Variants in CERT1 observed in about 807,000 individuals in gnomAD.
CERT1 encodes the protein ceramide transporter 1.
A neutral mutation model predicts 87.9 loss-of-function variants in CERT1; 31 were observed. That is an observed-to-expected ratio of 0.35 (90% CI 0.27 to 0.48). The LOEUF is 0.48. CERT1 is among the 20% of genes least tolerant of loss of function. CERT1 has a pLI of 0.99. For synonymous variants in CERT1, 289 were observed against 250.9 expected, an observed-to-expected ratio of 1.15 and a Z score of -1.44; for missense variants, 487 against 758.0, an observed-to-expected ratio of 0.64 and a Z score of 4.20.
intron 11 of CERT1, among the ~76,000 whole-genome samples, chr5:75,395,975 T>C (rs747504938): frequency 3.9e-5 from 6 of 152,250 alleles, no homozygotes; most frequent in Non-Finnish European, 8.8e-5. Context: ...TCATTCCTAA[T>C]ATCTGCCCAT....
At chr5:75,496,107 T>C (rs915852614) in intron 2 of CERT1, among the ~76,000 whole-genome samples, 1 of 151,890 alleles carries the variant, frequency 6.6e-6, no homozygotes, top group African/African-American at 2.4e-5. Flanking sequence ...GTATCCAGAA[T>C]ATATATAAAG....
intron 8 of CERT1, 24 bp downstream of exon 8, chr5:75,410,987 T>C (rs1762914049): frequency 2.3e-6 from 3 of 1,300,518 alleles, no homozygotes; most frequent in Non-Finnish European, 3.3e-6. Flanking sequence ...TGTGTTTCTC[T>C]AAGATCAAAA....
At chr5:75,403,137 G>T in intron 8 of CERT1, 79 bp from the exon 9 acceptor site, 1 of 938,544 alleles carries the variant, frequency 1.1e-6, no homozygotes, top group Non-Finnish European at 1.7e-6. Context: ...ATTAACTTGA[G>T]TTTGAAAATT....
intron 8 of CERT1, chr5:75,410,609 C>CAAA (rs34428665): frequency 5.2e-5 from 7 of 135,262 alleles, no homozygotes; most frequent in East Asian, 2.2e-4. Context: ...GACTCGGTCT[C>CAAA]AAAAAAAAAA....
chr5:75,478,219 CAGG>C (rs976305577), intron 2 of CERT1, among the ~76,000 whole-genome samples: 53 of 152,018 alleles, frequency 3.5e-4, no homozygotes, highest in African/African-American at 9.9e-4. Context: ...GAGGCTGAGA[CAGG>C]AGAATTGCTT....
At position 75,417,205 on chromosome 5, in the gene CERT1, A is replaced by C. The variant is rs181744049; in HGVS notation, c.680-172T>G. Among the ~76,000 whole-genome samples, 585 of 152,304 alleles carry C rather than the reference A, an allele frequency of 3.8e-3. 1 individual carries two copies. The highest frequency in any genetic ancestry group is 6.8e-3 in the Middle Eastern group (2 of 294). ...TCCTATCCAAGCTCTATAAGCAAAG[A>C]AGCTTCGTGGCAGCATATGTACTTT... On this transcript the variant is annotated intron_variant, in intron 6 of 16. Coordinates refer to ENST00000643780, the MANE Select transcript of CERT1 (RefSeq NM_001379029.1).
intron 9 of CERT1, chr5:75,400,580 A>G (rs1383111667): frequency 1.3e-5 from 4 of 301,764 alleles, no homozygotes; most frequent in Non-Finnish European, 2.4e-5. Context: ...GCATAGCATT[A>G]TTTATCATGG....
At chr5:75,445,024 A>G (rs184012057) in intron 3 of CERT1, among the ~76,000 whole-genome samples, 2 of 152,324 alleles carry the variant, frequency 1.3e-5, no homozygotes, top group African/African-American at 4.8e-5. Context: ...ACTCCTTTGA[A>G]GCTCTGTCTT....
chr5:75,507,889 C>A (rs1383117067), intron 1 of CERT1, among the ~76,000 whole-genome samples: 1 of 152,178 alleles, frequency 6.6e-6, no homozygotes, highest in Non-Finnish European at 1.5e-5. Context: ...AGCTGCTCAT[C>A]TTTCCTTCAT....
At chr5:75,483,073 G>A (rs1766331369) in intron 2 of CERT1, among the ~76,000 whole-genome samples, 1 of 152,170 alleles carries the variant, frequency 6.6e-6, no homozygotes, top group Non-Finnish European at 1.5e-5. Context: ...CAGAATGACA[G>A]AGAAATGTGC....
At chr5:75,481,408 G>A (rs933146983) in intron 2 of CERT1, among the ~76,000 whole-genome samples, 43 of 151,832 alleles carry the variant, frequency 2.8e-4, no homozygotes, top group African/African-American at 9.7e-4. Flanking sequence ...ATAATTATAC[G>A]GTGCACCTTA....
intron 3 of CERT1, among the ~76,000 whole-genome samples, chr5:75,443,104 T>G (rs1313045766): frequency 5.3e-5 from 8 of 152,178 alleles, no homozygotes; most frequent in African/African-American, 1.9e-4. Flanking sequence ...TTGAATGTTC[T>G]TTTTTCCTTA....
downstream of CERT1, chr5:75,376,806 C>T (rs140075218): frequency 1.4e-4 from 21 of 152,254 alleles, no homozygotes; most frequent in African/African-American, 5.1e-4. Flanking sequence ...TGCAATATCC[C>T]TTATGTTAGT....
chr5:75,443,656 A>G (rs768386452), intron 3 of CERT1, among the ~76,000 whole-genome samples: 1 of 152,214 alleles, frequency 6.6e-6, no homozygotes, highest in Non-Finnish European at 1.5e-5. Flanking sequence ...AGTTTGGTAC[A>G]GTGTTCTGTA....
At chr5:75,490,060 C>G (rs540962565) in intron 2 of CERT1, among the ~76,000 whole-genome samples, 301 of 152,174 alleles carry the variant, frequency 2.0e-3, no homozygotes, top group Non-Finnish European at 3.3e-3. Flanking sequence ...CATGGATGAA[C>G]GTGGAAACCA....
rs192046041 is a variant in CERT1 at position 75,490,471 on chromosome 5, C to T, written c.231+15511G>A. Among the ~76,000 whole-genome samples the T allele has an allele frequency of 2.0e-4, 30 of 150,184 alleles. No homozygotes were observed. In the Middle Eastern group the frequency reaches 0.01, roughly 52 times the overall value. On this transcript the variant is annotated intron_variant, in intron 2 of 16. Transcript: ENST00000643780. ...TTCATTCTCTTCATTGTTGTCTACTCTTTCTTCAACACCTGTACGAAATTT... is the reference window on the plus strand; with the variant it reads ...TTCATTCTCTTCATTGTTGTCTACTTTTTCTTCAACACCTGTACGAAATTT...
chr5:75,450,604 C>T (rs906788182), intron 3 of CERT1, among the ~76,000 whole-genome samples: 3 of 152,128 alleles, frequency 2.0e-5, no homozygotes, highest in Non-Finnish European at 4.4e-5. Flanking sequence ...GTATAGAAAA[C>T]ATTTGCCTTC....
intron 3 of CERT1, among the ~76,000 whole-genome samples, chr5:75,446,611 T>C (rs780312426): frequency 3.9e-5 from 6 of 152,198 alleles, no homozygotes; most frequent in Admixed American, 1.3e-4. Flanking sequence ...TTTACTAGTG[T>C]GGTAACTCTG....
intron 10 of CERT1, 48 bp from the exon 11 acceptor site, chr5:75,399,435 C>A (rs771128684): frequency 1.4e-6 from 2 of 1,382,826 alleles, no homozygotes; most frequent in Non-Finnish European, 2.1e-6. Flanking sequence ...AACAAAGGCA[C>A]AACAGAGCAT....
Sources: gnomAD v4.1 joint callset for allele counts (sites outside exome capture counted in the v4.1 genomes callset) on GRCh38, gnomAD v4.1.1 for gene constraint, MANE v1.5 for transcripts, NCBI Gene and HGNC (gene_info 2026-07-23, HGNC 2026-07-21) for gene names.